Variants in ZDHHC6 observed in about 807,000 individuals in gnomAD.
ZDHHC6 encodes zDHHC palmitoyltransferase 6.
In ZDHHC6, 32 loss-of-function variants were observed where a neutral mutation model predicts 57.8. The ratio of observed to expected loss-of-function variants is 0.55; its 90% CI spans 0.42 to 0.74. The LOEUF is 0.74. ZDHHC6 is among the 30% of genes least tolerant of loss of function. The pLI is 0.00. For synonymous variants in ZDHHC6, 128 were observed against 158.0 expected (o/e 0.81, Z 1.42); for missense variants, 433 against 500.7 (o/e 0.86, Z 1.29).
At chr10:112,440,447 G>T in intron 5 of ZDHHC6, 87 bp downstream of exon 5, 1 of 1,351,986 alleles carries the variant, frequency 7.4e-7, no homozygotes, top group Non-Finnish European at 9.9e-7. Flanking sequence ...TTTCATACTG[G>T]ACACTTAAAT....
chr10:112,441,801 C>T (rs1846139675), intron 4 of ZDHHC6, among the ~76,000 whole-genome samples: 1 of 152,220 alleles, frequency 6.6e-6, no homozygotes, highest in Non-Finnish European at 1.5e-5. Flanking sequence ...CCATGAGCCA[C>T]CTTCCAGGGC....
At chr10:112,445,961 G>A (rs1227884208) in intron 1 of ZDHHC6, among the ~76,000 whole-genome samples, 1 of 152,168 alleles carries the variant, frequency 6.6e-6, no homozygotes, top group African/African-American at 2.4e-5. Context: ...AGAATTTTAG[G>A]ACCTTAGAGT....
downstream of ZDHHC6, chr10:112,426,132 A>G (rs1017472347): frequency 4.4e-6 from 3 of 684,390 alleles, no homozygotes; most frequent in Non-Finnish European, 7.6e-6. Flanking sequence ...AAAGAACACT[A>G]GTACTGGATT....
chr10:112,445,729 C>A (rs1846596766), intron 1 of ZDHHC6, 79 bp from the exon 2 acceptor site: 2 of 488,254 alleles, frequency 4.1e-6, no homozygotes, highest in South Asian at 4.6e-5. Context: ...TTGTTAACTA[C>A]AATAAACACC....
chr10:112,428,456 G>C, downstream of ZDHHC6: 1 of 398,544 alleles, frequency 2.5e-6, no homozygotes, highest in Non-Finnish European at 4.4e-6. Context: ...ATCAAGTACA[G>C]TATCTGTTCT....
chr10:112,425,769 C>T (rs1284214248), downstream of ZDHHC6, among the ~76,000 whole-genome samples: 6 of 152,104 alleles, frequency 3.9e-5, no homozygotes, highest in East Asian at 1.2e-3. Flanking sequence ...ACTTAGTTCC[C>T]ATTCCTTAAG....
intron 6 of ZDHHC6, among the ~76,000 whole-genome samples, chr10:112,437,183 G>C (rs553512028): frequency 6.6e-6 from 1 of 151,980 alleles, no homozygotes; most frequent in South Asian, 2.1e-4. Context: ...GAGCCTGACA[G>C]CTTTCCAATA....
intron 6 of ZDHHC6, among the ~76,000 whole-genome samples, chr10:112,436,549 A>G (rs899269099): frequency 1.3e-5 from 2 of 152,224 alleles, no homozygotes; most frequent in African/African-American, 4.8e-5. Flanking sequence ...CAACCTGTAC[A>G]TCAGTGGTTC....
Position 112,440,559 on chromosome 10 carries a change from G to A in ZDHHC6, c.656C>T (p.Ala219Val), listed in dbSNP as rs1330380451. ...CTGGATAAAAAACAACATCCCAACA[G>A]CTATGGTTGTTCCTAAAGCTAATCC... ...ALGLALGTTIAVGMLFFIQMK... is the reference protein window; with the variant it reads ...ALGLALGTTIVVGMLFFIQMK... Residue 219 changes from alanine (A) to valine (V), a missense_variant, in exon 5 of 11, where the codon GCT (alanine) becomes GTT (valine). By Grantham distance (64) the Ala-to-Val change is moderately conservative. Coordinates refer to ENST00000369405, the MANE Select transcript of ZDHHC6 (RefSeq NM_022494.3). 2 of 1,613,752 alleles carry A rather than the reference G, an allele frequency of 1.2e-6. No individual in the cohort carries two copies. Among genetic ancestry groups the A allele is most frequent in the African/African-American group, 2.7e-5 (2 of 75,030 alleles).
intron 10 of ZDHHC6, 101 bp downstream of exon 10, chr10:112,432,139 C>T: frequency 8.7e-7 from 1 of 1,153,510 alleles, no homozygotes; most frequent in South Asian, 1.6e-5. Flanking sequence ...TGCAGTTCCC[C>T]TAATGCATTA....
chr10:112,436,545 GTA>G (rs1845551196), intron 6 of ZDHHC6, among the ~76,000 whole-genome samples: 1 of 152,228 alleles, frequency 6.6e-6, no homozygotes, highest in African/African-American at 2.4e-5. Flanking sequence ...ACTTCAACCT[GTA>G]CATCAGTGGT....
intron 6 of ZDHHC6, 59 bp from the exon 7 acceptor site, chr10:112,434,523 A>G (rs1845341771): frequency 6.7e-7 from 1 of 1,491,690 alleles, no homozygotes; most frequent in Admixed American, 2.1e-5. Flanking sequence ...CTGCAGTAAT[A>G]TGTTATTGAG....
chr10:112,439,933 T>C (rs1340960992), intron 5 of ZDHHC6, among the ~76,000 whole-genome samples: 1 of 152,118 alleles, frequency 6.6e-6, no homozygotes, highest in African/African-American at 2.4e-5. Context: ...CTAATACATG[T>C]AAAGTGCCTA....
downstream of ZDHHC6, among the ~76,000 whole-genome samples, chr10:112,428,719 C>T (rs1006550938): frequency 2.0e-5 from 3 of 151,538 alleles, no homozygotes; most frequent in African/African-American, 7.3e-5. Context: ...TGCAGCGAGC[C>T]GAGATCGCAC....
chr10:112,434,035 T>C (rs1172847813), intron 7 of ZDHHC6, among the ~76,000 whole-genome samples: 8 of 152,062 alleles, frequency 5.3e-5, no homozygotes, highest in African/African-American at 1.9e-4. Context: ...CTACTGTAAG[T>C]TGGAAGGTAA....
At chr10:112,432,845 T>C (rs1182926887) in intron 8 of ZDHHC6, among the ~76,000 whole-genome samples, 1 of 152,222 alleles carries the variant, frequency 6.6e-6, no homozygotes, top group Non-Finnish European at 1.5e-5. Flanking sequence ...ATGTAGCTAC[T>C]GAGTGAGCAC....
chr10:112,429,543 C>G (rs1054765497), downstream of ZDHHC6, among the ~76,000 whole-genome samples: 6 of 152,172 alleles, frequency 3.9e-5, no homozygotes, highest in African/African-American at 1.4e-4. Context: ...GGCCTGGCCC[C>G]CAAAGCTTCA....
At chr10:112,425,757 G>C (rs1450821140), downstream of ZDHHC6, among the ~76,000 whole-genome samples, 2 of 152,112 alleles carry the variant, frequency 1.3e-5, no homozygotes, top group Admixed American at 6.5e-5. Flanking sequence ...GCTCCACATT[G>C]CACTTAGTTC....
upstream of ZDHHC6, chr10:112,447,111 G>A (rs1846851322): frequency 6.1e-6 from 3 of 491,694 alleles, no homozygotes; most frequent in Non-Finnish European, 7.5e-6. Context: ...CTGGGGGGAG[G>A]CACTAATTGG....
Sources: allele counts gnomAD v4.1 joint callset (sites outside exome capture counted in the v4.1 genomes callset), GRCh38; gene constraint gnomAD v4.1.1; transcripts MANE v1.5; gene names NCBI Gene and HGNC (gene_info 2026-07-23, HGNC 2026-07-21).